The following HDLBP variants were observed in gnomAD, a reference collection of about 807,000 sequenced individuals.
The protein encoded by HDLBP is high density lipoprotein binding protein.
Under a neutral mutation model 137.3 loss-of-function variants are expected in HDLBP, and 30 were observed. The ratio of observed to expected loss-of-function variants is 0.22; its 90% confidence interval spans 0.16 to 0.30. The LOEUF is 0.30. HDLBP is among the 10% of genes least tolerant of loss of function. The pLI is 1.00. For missense variants in HDLBP, 1,119 were observed against 1,667.3 expected (o/e 0.67, Z 5.73); for synonymous variants, 606 against 596.0 (o/e 1.02, Z -0.24).
At chr2:241,241,702 A>G (rs2071254662) in intron 17 of HDLBP, among the ~76,000 whole-genome samples, 1 of 151,920 alleles carries the variant, frequency 6.6e-6, no homozygotes, top group Non-Finnish European at 1.5e-5. Context: ...TGTGCTAACA[A>G]CTGGAAATGG....
At chr2:241,247,686 T>C (rs1393584050) in intron 14 of HDLBP, among the ~76,000 whole-genome samples, 1 of 152,202 alleles carries the variant, frequency 6.6e-6, no homozygotes, top group Non-Finnish European at 1.5e-5. Flanking sequence ...ACCTCTTATC[T>C]TACTGGATGG....
At chr2:241,232,489 T>A (rs1021824618) in intron 24 of HDLBP, among the ~76,000 whole-genome samples, 1 of 152,202 alleles carries the variant, frequency 6.6e-6, no homozygotes, top group Non-Finnish European at 1.5e-5. Flanking sequence ...TTGGTCAGGT[T>A]GGCCTTGAAC....
intron 26 of HDLBP, 23 bp from the exon 27 acceptor site, chr2:241,229,984 C>A (rs1488069827): frequency 1.3e-6 from 2 of 1,583,978 alleles, no homozygotes; most frequent in Non-Finnish European, 1.7e-6. Flanking sequence ...GACAGGAAGA[C>A]AGGGTCAGTC....
Position 241,242,483 on chromosome 2 carries a change from G to C in HDLBP, c.2146C>G (p.Leu716Val). 1 of 1,614,040 alleles carries C rather than the reference G, an allele frequency of 6.2e-7. No homozygotes were observed. The highest frequency in any genetic ancestry group is 8.5e-7 in the Non-Finnish European group (1 of 1,179,874). ...ACCTTCTCCTCCGCCAGATGCAGGA[G>C]CTGCTTCTTGGCCTTCTCCACATCC... ...SSDVEKAKKQLLHLAEEKQTK... is the reference protein window; with the variant it reads ...SSDVEKAKKQVLHLAEEKQTK... Residue 716 changes from leucine to valine, a missense_variant, in exon 17 of 28, where the codon CTC becomes GTC. By Grantham distance (32) the Leu-to-Val change is conservative (BLOSUM62 1). Transcript: ENST00000310931.
chr2:241,254,318 T>C (rs1344115102), intron 9 of HDLBP, among the ~76,000 whole-genome samples: 1 of 152,068 alleles, frequency 6.6e-6, no homozygotes. Context: ...ACTGTAACAT[T>C]AATTGGAAAC....
intron 1 of HDLBP, among the ~76,000 whole-genome samples, chr2:241,279,658 TATCTACAGTAGGAGGGAA>T (rs1358796003): frequency 1.1e-4 from 16 of 152,186 alleles, no homozygotes; most frequent in Non-Finnish European, 1.8e-4. Flanking sequence ...GAAAACTGGT[TATCTACAGTAGGAGGGAA>T]AAACTAGGTC....
intron 9 of HDLBP, among the ~76,000 whole-genome samples, chr2:241,253,986 C>A (rs1350857386): frequency 6.6e-6 from 1 of 152,122 alleles, no homozygotes; most frequent in Non-Finnish European, 1.5e-5. Flanking sequence ...TTATATGAAG[C>A]TATACAAAGT....
In HDLBP at chr2:241,229,420, G is replaced by C. The variant is rs888967568; in HGVS notation, c.*181C>G. The C allele has an allele frequency of 2.5e-5, 14 of 559,270 alleles. No homozygotes were observed. In the South Asian group the frequency reaches 2.8e-4, roughly 11 times the overall value. The allele number at this position is 559,270 out of a possible 1,614,324, so 34.6% of individuals were successfully genotyped here. ...AGTGGAGCAGGTCCTGAGCGGGCAC[G>C]GCCAGGCCTGGAGGAGCGGCCGCAC... is the stretch of plus-strand genomic sequence containing the variant. On this transcript the variant is annotated 3_prime_UTR_variant, in exon 28 of 28. Coordinates refer to ENST00000310931, the MANE Select transcript of HDLBP (RefSeq NM_005336.6).
chr2:241,234,468 A>AG (rs2070163534), intron 23 of HDLBP, among the ~76,000 whole-genome samples: 1 of 152,198 alleles, frequency 6.6e-6, no homozygotes, highest in African/African-American at 2.4e-5. Context: ...ACACCATGTG[A>AG]GGTTCACGAG....
intron 1 of HDLBP, among the ~76,000 whole-genome samples, chr2:241,280,324 C>T (rs2074546323): frequency 6.6e-6 from 1 of 152,114 alleles, no homozygotes; most frequent in Non-Finnish European, 1.5e-5. Flanking sequence ...TTTTCTTTGG[C>T]TCACATGTAT....
intron 11 of HDLBP, 82 bp downstream of exon 11, chr2:241,252,875 G>T: frequency 1.1e-6 from 1 of 898,610 alleles, no homozygotes; most frequent in Non-Finnish European, 1.8e-6. Context: ...TGTCTGCACG[G>T]ACGTCACAGT....
chr2:241,272,079 G>A lies in HDLBP; in HGVS notation c.-102-3538C>T, dbSNP rs1410823245. 3.6e-6 allele frequency: 2 copies of A among 559,928 alleles called. No homozygotes were observed. The highest frequency in any genetic ancestry group is 2.0e-5 in the African/African-American group (1 of 49,246). The allele number at this position is 559,928 out of a possible 1,614,324, so 34.7% of individuals were successfully genotyped here. On this transcript the variant is annotated intron_variant, in intron 1 of 27. Transcript: ENST00000310931. This position sits in a 1 kb window ranked among gnomAD's most constrained non-coding sequence, Gnocchi z 5.6. ...TTTCATCCAAATTCGGTACTTTTCCGTAATGTATTTTTCATCCACGACCCT... is the reference window on the plus strand; with the variant it reads ...TTTCATCCAAATTCGGTACTTTTCCATAATGTATTTTTCATCCACGACCCT...
rs764728993 is a variant in HDLBP, at chr2:241,228,200, G to C, written c.*1401C>G. 1 of 152,268 alleles carries C rather than the reference G, an allele frequency of 6.6e-6. No homozygotes were observed. Among genetic ancestry groups the C allele is most frequent in the Non-Finnish European group, 1.5e-5 (1 of 68,086 alleles). 9.4% of individuals were successfully genotyped at this position (152,268 alleles called of 1,614,324 possible). On this transcript the variant is annotated 3_prime_UTR_variant, in exon 28 of 28. Transcript: ENST00000310931. ...AGCTTTTCCAAAACTCAAGTACCTG[G>C]GACAGGACAACTCGCTAGCAGCTCA...
chr2:241,231,057 A>G (rs2069682162), intron 24 of HDLBP, 113 bp from the exon 25 acceptor site: 4 of 884,692 alleles, frequency 4.5e-6, no homozygotes, highest in Non-Finnish European at 7.1e-6. Context: ...GATGGAAAGC[A>G]ACGTCACGGC....
intron 20 of HDLBP, among the ~76,000 whole-genome samples, chr2:241,236,987 G>A (rs1002588006): frequency 8.0e-5 from 12 of 150,502 alleles, no homozygotes; most frequent in East Asian, 3.9e-4. Context: ...TGGGGGGGGG[G>A]GGGGGGGCGG....
At chr2:241,251,187 G>C (rs1370159443) in intron 11 of HDLBP, among the ~76,000 whole-genome samples, 1 of 152,064 alleles carries the variant, frequency 6.6e-6, no homozygotes, top group Non-Finnish European at 1.5e-5. Context: ...TCGAACTCCT[G>C]GGCTCAAGTG....
chr2:241,274,368 G>T (rs2074313594), intron 1 of HDLBP, among the ~76,000 whole-genome samples: 2 of 152,220 alleles, frequency 1.3e-5, no homozygotes, highest in South Asian at 4.1e-4. Flanking sequence ...GCACGGAACT[G>T]GGCAGGTGGG....
chr2:241,273,657 C>A, intron 1 of HDLBP: 4 of 985,328 alleles, frequency 4.1e-6, no homozygotes, highest in Non-Finnish European at 1.2e-6. Flanking sequence ...TCAACAGAAT[C>A]CTGCATAGGG....
chr2:241,311,827 A>C (rs2075765867), intron 1 of HDLBP, among the ~76,000 whole-genome samples: 2 of 152,262 alleles, frequency 1.3e-5, no homozygotes, highest in African/African-American at 2.4e-5. Context: ...TAACCAAATT[A>C]AGGATATATC....
Sources: allele counts gnomAD v4.1 joint callset (sites outside exome capture counted in the v4.1 genomes callset), GRCh38; gene constraint gnomAD v4.1.1; non-coding constraint Gnocchi (gnomAD v3.1); transcripts MANE v1.5; gene names NCBI Gene and HGNC (gene_info 2026-07-23, HGNC 2026-07-21).